The following WDR41 variants were observed in gnomAD, a reference collection of about 807,000 sequenced individuals.
WDR41 encodes WD repeat-containing protein 41.
In WDR41, 63 loss-of-function variants were observed where a neutral mutation model predicts 69.3. That is an observed-to-expected ratio of 0.91 (90% CI 0.74 to 1.12). WDR41 has a LOEUF of 1.12. WDR41 is among the 50% of genes most tolerant of loss of function. WDR41 has a pLI of 0.00. For missense variants in WDR41, 543 were observed against 534.5 expected, an observed-to-expected ratio of 1.02 and a Z score of -0.16; for synonymous variants, 185 against 192.1, an observed-to-expected ratio of 0.96 and a Z score of 0.31.
chr5:77,485,836 A>G (rs189601222), intron 2 of WDR41, among the ~76,000 whole-genome samples: 40 of 152,226 alleles, frequency 2.6e-4, no homozygotes, highest in African/African-American at 9.4e-4. Context: ...TTTTCCACTC[A>G]CTGATTTTAG....
intron 1 of WDR41, among the ~76,000 whole-genome samples, chr5:77,603,874 A>G (rs967135342): frequency 1.3e-5 from 2 of 152,202 alleles, no homozygotes; most frequent in African/African-American, 4.8e-5. Context: ...GTCAAAAATT[A>G]GTTGGTTATA....
intron 1 of WDR41, among the ~76,000 whole-genome samples, chr5:77,508,034 T>C (rs1269641468): frequency 6.6e-6 from 1 of 152,122 alleles, no homozygotes; most frequent in Non-Finnish European, 1.5e-5. Context: ...ACTGAGCCTC[T>C]CCAGTAAATT....
chr5:77,468,572 T>C (rs891597300), intron 2 of WDR41, among the ~76,000 whole-genome samples: 2 of 152,178 alleles, frequency 1.3e-5, no homozygotes, highest in East Asian at 3.8e-4. Flanking sequence ...TAATAGTTCT[T>C]ACTCATGTGA....
chr5:77,611,069 A>G lies in WDR41; in HGVS notation c.42+9410T>C, dbSNP rs191930033. On this transcript the variant is annotated intron_variant, in intron 1 of 5. Transcript: ENST00000509971. ...CAAAAGAGACAAACAAGGCCATTAT[A>G]TAATGGTAAAGAGATCAATTCAACA... Among the ~76,000 whole-genome samples the G allele has an allele frequency of 2.5e-3, 379 of 152,372 alleles. 5 individuals carry two copies. Among genetic ancestry groups the G allele is most frequent in the Non-Finnish European group, 5.7e-4 (39 of 68,036 alleles).
intron 1 of WDR41, among the ~76,000 whole-genome samples, chr5:77,594,309 AAT>A (rs1444523528): frequency 2.0e-5 from 3 of 151,586 alleles, no homozygotes; most frequent in Non-Finnish European, 1.5e-5. Flanking sequence ...AGATATACCT[AAT>A]GTAAATGACG....
chr5:77,559,066 CA>C (rs768683911), intron 1 of WDR41, among the ~76,000 whole-genome samples: 7 of 152,116 alleles, frequency 4.6e-5, no homozygotes, highest in Non-Finnish European at 8.8e-5. Context: ...GAATAAATAA[CA>C]GACACATGTA....
intron 1 of WDR41, among the ~76,000 whole-genome samples, chr5:77,613,193 C>A (rs1744599408): frequency 6.6e-6 from 1 of 152,084 alleles, no homozygotes; most frequent in Admixed American, 6.5e-5. Context: ...TAGGAAGAAT[C>A]AATATCATGA....
At chr5:77,438,499 A>G in intron 9 of WDR41, 138 bp from the exon 10 acceptor site, 1 of 1,247,066 alleles carries the variant, frequency 8.0e-7, no homozygotes, top group Non-Finnish European at 1.1e-6. Context: ...TTACAGTACT[A>G]ATCTCTGAAA....
chr5:77,545,635 A>G, intron 1 of WDR41: 1 of 404,798 alleles, frequency 2.5e-6, no homozygotes, highest in East Asian at 4.4e-5. Flanking sequence ...CCTGCCCATC[A>G]AGGAGTCTGA....
At chr5:77,498,817 A>C (rs1581774446) in intron 1 of WDR41, among the ~76,000 whole-genome samples, 1 of 128,192 alleles carries the variant, frequency 7.8e-6, no homozygotes. Context: ...AGACCCCATC[A>C]AAAAAAAAAA....
At chr5:77,486,641 A>C (rs1801536192) in intron 2 of WDR41, among the ~76,000 whole-genome samples, 1 of 152,200 alleles carries the variant, frequency 6.6e-6, no homozygotes, top group Non-Finnish European at 1.5e-5. Context: ...TTATGTGAAC[A>C]AGCACCTGAA....
chr5:77,439,500 A>G (rs574028156), intron 9 of WDR41, among the ~76,000 whole-genome samples: 44 of 152,246 alleles, frequency 2.9e-4, no homozygotes, highest in Non-Finnish European at 5.9e-4. Context: ...GATTGTATTC[A>G]ATGCCAAAAT....
chr5:77,609,919 G>A (rs1222230219), intron 1 of WDR41, among the ~76,000 whole-genome samples: 1 of 151,974 alleles, frequency 6.6e-6, no homozygotes, highest in Non-Finnish European at 1.5e-5. Context: ...AAAAAATTTA[G>A]ACGAATGTAT....
At chr5:77,616,121 CTT>C (rs879611070) in intron 1 of WDR41, among the ~76,000 whole-genome samples, 6 of 143,096 alleles carry the variant, frequency 4.2e-5, no homozygotes, top group African/African-American at 5.1e-5. Flanking sequence ...CCCACTCTGT[CTT>C]TTTTTTTTTT....
chr5:77,548,471 A>G (rs953899993), intron 1 of WDR41, among the ~76,000 whole-genome samples: 1 of 152,152 alleles, frequency 6.6e-6, no homozygotes, highest in African/African-American at 2.4e-5. Context: ...AGCTAAGGAC[A>G]TGAATAGACA....
At chr5:77,602,392 G>A (rs1345199787) in intron 1 of WDR41, among the ~76,000 whole-genome samples, 5 of 151,916 alleles carry the variant, frequency 3.3e-5, no homozygotes, top group South Asian at 2.1e-4. Flanking sequence ...CACCTGCCTC[G>A]GCCTCCCAAA....
At chr5:77,496,283 G>C (rs535324605), upstream of WDR41, among the ~76,000 whole-genome samples, 4 of 152,086 alleles carry the variant, frequency 2.6e-5, no homozygotes, top group South Asian at 8.3e-4. Context: ...TAGACAAAAA[G>C]AAGTAAAAAG....
At chr5:77,494,592 TAGTC>T (rs1394681765), upstream of WDR41, among the ~76,000 whole-genome samples, 2 of 152,104 alleles carry the variant, frequency 1.3e-5, no homozygotes, top group Non-Finnish European at 2.9e-5. Context: ...ATTAATAAAA[TAGTC>T]AATATAGCAA....
chr5:77,499,946 T>C (rs1158161318), intron 1 of WDR41, among the ~76,000 whole-genome samples: 2 of 135,264 alleles, frequency 1.5e-5, no homozygotes, highest in Non-Finnish European at 3.1e-5. Context: ...CCTAACCTAG[T>C]CAGGTTAATT....
Sources: allele counts gnomAD v4.1 joint callset (sites outside exome capture counted in the v4.1 genomes callset), GRCh38; gene constraint gnomAD v4.1.1; transcripts MANE v1.5; gene names NCBI Gene and HGNC (gene_info 2026-07-23, HGNC 2026-07-21).